The following IGFBP4 variants were observed in gnomAD, a reference collection of about 807,000 sequenced individuals.
The protein encoded by IGFBP4 is insulin-like growth factor-binding protein 4.
Under a neutral mutation model 25.8 loss-of-function variants are expected in IGFBP4, and 9 were observed. That is an observed-to-expected ratio of 0.35 (90% CI 0.21 to 0.61). IGFBP4 has a LOEUF of 0.61. Ranked by LOEUF, IGFBP4 falls within the 20% of genes least tolerant of loss-of-function variation. IGFBP4 has a pLI of 0.77. For synonymous variants in IGFBP4, 153 were observed against 153.9 expected (o/e 0.99, Z 0.05); for missense variants, 315 against 365.3 (o/e 0.86, Z 1.12).
At chr17:40,444,301 C>A (rs1166994152) in intron 1 of IGFBP4, among the ~76,000 whole-genome samples, 1 of 152,202 alleles carries the variant, frequency 6.6e-6, no homozygotes, top group Non-Finnish European at 1.5e-5. Context: ...GAGACTGTCC[C>A]ATCGCTCCAT....
chr17:40,449,341 C>A (rs1006584886), intron 1 of IGFBP4, among the ~76,000 whole-genome samples: 14 of 152,144 alleles, frequency 9.2e-5, no homozygotes, highest in African/African-American at 2.9e-4. Context: ...AAAAGCTCAG[C>A]ACTGTGGCTC....
chr17:40,456,205 A>G (rs1432426713), intron 3 of IGFBP4, among the ~76,000 whole-genome samples: 2 of 152,164 alleles, frequency 1.3e-5, no homozygotes, highest in Non-Finnish European at 2.9e-5. Flanking sequence ...CTGTGCCTTT[A>G]AACCCGAGGG....
chr17:40,449,490 T>A (rs2035669791), intron 1 of IGFBP4, among the ~76,000 whole-genome samples: 3 of 151,948 alleles, frequency 2.0e-5, no homozygotes, highest in Admixed American at 2.0e-4. Context: ...GGCTCATGCC[T>A]GTAATCCCAG....
chr17:40,447,750 G>T lies in IGFBP4; in HGVS notation c.349+3666G>T, dbSNP rs191842248. On this transcript the variant is annotated intron_variant, in intron 1 of 3. Coordinates refer to ENST00000269593, the MANE Select transcript of IGFBP4 (RefSeq NM_001552.3). The stretch of plus-strand genomic sequence containing the variant: ...ATTTTCCTAATTTTTAAAGTGGGGA[G>T]GGCAACAGGACCTGCCTCACAGGGT... Among the ~76,000 whole-genome samples, 156 of 152,286 alleles carry T rather than the reference G, an allele frequency of 1.0e-3. 1 individual carries two copies. Among genetic ancestry groups the T allele is most frequent in the African/African-American group, 3.7e-3 (152 of 41,560 alleles).
At position 40,450,100 on chromosome 17, in the gene IGFBP4, T is replaced by G. The variant is rs369816374; in HGVS notation, c.350-2885T>G. On this transcript the variant is annotated intron_variant, in intron 1 of 3. Coordinates refer to ENST00000269593, the MANE Select transcript of IGFBP4 (RefSeq NM_001552.3). ...ACTGCTCACTGCAGCCTCGACCTCC[T>G]GGGTTCAGGTGATCCTCCCACCTCA... 2.5e-3 allele frequency among the ~76,000 whole-genome samples: 384 copies of G among 152,268 alleles called. 1 individual carries two copies. The highest frequency in any genetic ancestry group is 8.6e-3 in the African/African-American group (358 of 41,568).
Position 40,443,991 on chromosome 17 carries a change from G to T in IGFBP4, c.256G>T (p.Val86Leu). The T allele has an allele frequency of 6.5e-7, 1 of 1,532,218 alleles. No individual in the cohort carries two copies. The highest frequency in any genetic ancestry group is 8.7e-7 in the Non-Finnish European group (1 of 1,144,988). 94.9% of individuals were successfully genotyped at this position (1,532,218 alleles called of 1,614,324 possible). A position where few individuals can be genotyped will look rare whatever the true frequency, so the allele number is the denominator to read the frequency against. Residue 86 changes from valine (V) to leucine (L), a missense_variant, in exon 1 of 4, where the codon GTG (valine) becomes TTG (leucine). By Grantham distance (32) the Val-to-Leu change is conservative. Coordinates refer to ENST00000269593, the MANE Select transcript of IGFBP4 (RefSeq NM_001552.3). ...CCTGCGCTGCTACCCGCCCCGAGGG[G>T]TGGAGAAGCCCCTGCACACACTGAT... is the stretch of plus-strand genomic sequence containing the variant. The part of the protein sequence containing the change: ...SGLRCYPPRG[V>L]EKPLHTLMHG...
intron 3 of IGFBP4, among the ~76,000 whole-genome samples, chr17:40,455,903 CT>C (rs1003473718): frequency 8.5e-4 from 130 of 152,270 alleles, no homozygotes; most frequent in African/African-American, 3.0e-3. Flanking sequence ...TTTGCGCCCC[CT>C]GAACCTTCTA....
At chr17:40,449,748 CAAAA>C (rs569072173) in intron 1 of IGFBP4, among the ~76,000 whole-genome samples, 1 of 95,466 alleles carries the variant, frequency 1.0e-5, no homozygotes. Context: ...GACTCCGTCT[CAAAA>C]AAAAAAAAAA....
chr17:40,446,094 C>T (rs950900894), intron 1 of IGFBP4, among the ~76,000 whole-genome samples: 1 of 148,308 alleles, frequency 6.7e-6, no homozygotes, highest in Non-Finnish European at 1.5e-5. Flanking sequence ...CTTGTAATCC[C>T]AGCACTTTGG....
chr17:40,448,228 G>A (rs1171790410), intron 1 of IGFBP4, among the ~76,000 whole-genome samples: 1 of 152,276 alleles, frequency 6.6e-6, no homozygotes, highest in African/African-American at 2.4e-5. Context: ...AGGGCCAGGG[G>A]CTGGCGTTGG....
At position 40,456,447 on chromosome 17, in the gene IGFBP4, A is replaced by C; in HGVS notation, c.643-2A>C. 1 of 1,613,986 alleles carries C rather than the reference A, an allele frequency of 6.2e-7. No homozygotes were observed. Among genetic ancestry groups the C allele is most frequent in the Non-Finnish European group, 8.5e-7 (1 of 1,179,970 alleles). ...TGACCCCTCATGTCCTTCTCTTGGC[A>C]GTGTCACCCAGCTCTGGATGGGCAG... is the stretch of plus-strand genomic sequence containing the variant. On this transcript the variant is annotated splice_acceptor_variant, in intron 3 of 3. Transcript: ENST00000269593. LOFTEE classifies it high-confidence loss of function.
chr17:40,454,590 G>A (rs542320566), intron 3 of IGFBP4, among the ~76,000 whole-genome samples: 14 of 152,316 alleles, frequency 9.2e-5, no homozygotes, highest in Admixed American at 5.2e-4. Flanking sequence ...CAGATTGGAC[G>A]GTTGGAGACA....
At chr17:40,444,886 C>T (rs866410597) in intron 1 of IGFBP4, among the ~76,000 whole-genome samples, 1 of 46,632 alleles carries the variant, frequency 2.1e-5, no homozygotes, top group African/African-American at 9.2e-5. Flanking sequence ...GAGAGAGAAA[C>T]ACACACACAC....
chr17:40,448,346 C>T (rs148166064), intron 1 of IGFBP4, among the ~76,000 whole-genome samples: 6 of 152,370 alleles, frequency 3.9e-5, no homozygotes, highest in Non-Finnish European at 8.8e-5. Context: ...TCTTCTCTGG[C>T]GCCTTCCCTT....
chr17:40,445,928 C>A (rs1045722620), intron 1 of IGFBP4, among the ~76,000 whole-genome samples: 12 of 152,084 alleles, frequency 7.9e-5, no homozygotes, highest in Admixed American at 5.9e-4. Flanking sequence ...ATACCTCATC[C>A]TCTGGTTGGG....
rs958460873 is a variant in IGFBP4, at chr17:40,443,717, G to T, written c.-19G>T. On this transcript the variant is annotated 5_prime_UTR_variant, in exon 1 of 4. Coordinates refer to ENST00000269593, the MANE Select transcript of IGFBP4 (RefSeq NM_001552.3). Reference sequence around the variant, plus strand: ...CCTGCGCCCAGCGCCCCGCGCCCGCGCCCAGTCCTCGGGCGGTCATGCTGC... The same window carrying T: ...CCTGCGCCCAGCGCCCCGCGCCCGCTCCCAGTCCTCGGGCGGTCATGCTGC... The T allele has an allele frequency of 7.3e-6, 10 of 1,373,440 alleles. No individual in the cohort carries two copies. Among genetic ancestry groups the T allele is most frequent in the African/African-American group, 1.5e-5 (1 of 64,698 alleles). 85.1% of individuals were successfully genotyped at this position (1,373,440 alleles called of 1,614,324 possible).
At position 40,453,579 on chromosome 17, in the gene IGFBP4, A is replaced by G. The variant is rs1333945688; in HGVS notation, c.508-349A>G. ...AGGGTCTGGCTAATTTCCCTTCTGA[A>G]GGTCTTACAAGTTGTCAGTTGGAAG... On this transcript the variant is annotated intron_variant, in intron 2 of 3. Coordinates refer to ENST00000269593, the MANE Select transcript of IGFBP4 (RefSeq NM_001552.3). The surrounding 1 kb of genome is among the most constrained non-coding windows in gnomAD (Gnocchi z 4.0). Among the ~76,000 whole-genome samples the G allele has an allele frequency of 1.3e-5, 2 of 151,948 alleles. No individual in the cohort carries two copies. The highest frequency in any genetic ancestry group is 2.9e-5 in the Non-Finnish European group (2 of 67,972).
In IGFBP4 at chr17:40,453,151, C is replaced by G. The variant is rs1403137108; in HGVS notation, c.507+9C>G. 3 of 1,538,780 alleles carry G rather than the reference C, an allele frequency of 1.9e-6. No homozygotes were observed. Among genetic ancestry groups the G allele is most frequent in the African/African-American group, 1.4e-5 (1 of 71,690 alleles). ...AGGATGCCCGGCCTGTGGTAAGGAC[C>G]TCCGATGCACAAATGTGCATGTGCA... On this transcript the variant is annotated intron_variant, in intron 2 of 3. Transcript: ENST00000269593. The surrounding 1 kb of genome is among the most constrained non-coding windows in gnomAD (Gnocchi z 4.0).
intron 1 of IGFBP4, among the ~76,000 whole-genome samples, chr17:40,450,531 TTTTTTG>T (rs999762050): frequency 8.2e-4 from 124 of 152,136 alleles, no homozygotes; most frequent in African/African-American, 2.8e-3. Flanking sequence ...TTTTTTTTGT[TTTTTTG>T]TTTTTGTTTT....
Sources: gnomAD v4.1 joint callset for allele counts (sites outside exome capture counted in the v4.1 genomes callset) on GRCh38, gnomAD v4.1.1 for gene constraint, Gnocchi (gnomAD v3.1) non-coding constraint, MANE v1.5 for transcripts, NCBI Gene and HGNC (gene_info 2026-07-23, HGNC 2026-07-21) for gene names.